Variants in PARS2 observed in about 807,000 individuals in gnomAD.
The protein encoded by PARS2 is probable proline--tRNA ligase, mitochondrial.
A neutral mutation model predicts 27.4 loss-of-function variants in PARS2; 20 were observed. The ratio of observed to expected loss-of-function variants is 0.73; its 90% CI spans 0.51 to 1.06. PARS2 has a LOEUF of 1.06. PARS2 is among the 50% of genes least tolerant of loss of function. The pLI is 0.00. For synonymous variants in PARS2, 240 were observed against 247.1 expected, an observed-to-expected ratio of 0.97 and a Z score of 0.27; for missense variants, 585 against 602.1, an observed-to-expected ratio of 0.97 and a Z score of 0.30.
intron 1 of PARS2, among the ~76,000 whole-genome samples, chr1:54,763,229 C>T (rs992957279): frequency 1.3e-5 from 2 of 152,182 alleles, no homozygotes; most frequent in African/African-American, 4.8e-5. Flanking sequence ...GCACACACCT[C>T]TTTTTAGTAT....
chr1:54,759,024 G>C lies in PARS2; in HGVS notation c.138C>G (p.Phe46Leu). ...GGTCTTCCCGAAGGTTCTGTGGCTG[G>C]AACACACGAGACAGCAGCAGGCGCC... Reference protein sequence around the residue: ...RGRRLLLSRVFQPQNLREDRV... With the variant: ...RGRRLLLSRVLQPQNLREDRV... Residue 46 changes from phenylalanine (F) to leucine (L), a missense_variant, in exon 2 of 2, where the codon TTC (phenylalanine) becomes TTG (leucine). Phe to Leu is a conservative substitution (Grantham distance 22). Transcript: ENST00000371279. 1 of 1,614,170 alleles carries C rather than the reference G, an allele frequency of 6.2e-7. No homozygotes were observed. The highest frequency in any genetic ancestry group is 8.5e-7 in the Non-Finnish European group (1 of 1,180,022).
Position 54,758,349 on chromosome 1 carries a change from G to A in PARS2, c.813C>T (p.Ala271=). The part of the protein sequence containing the change: ...LPVDIGEDRL[A]ICPRCSFSAN... ...CTGAGAAGCTGCAGCGGGGACAGAT[G>A]GCAAGCCGGTCCTCTCCAATATCCA... The change falls in exon 2 of 2, where the codon GCC becomes GCT. Residue 271 remains alanine, a synonymous_variant. Transcript: ENST00000371279. 1 of 1,614,168 alleles carries A rather than the reference G, an allele frequency of 6.2e-7. No homozygotes were observed. The highest frequency in any genetic ancestry group is 2.2e-5 in the East Asian group (1 of 44,874).
chr1:54,758,342 G>A lies in PARS2; in HGVS notation c.820C>T (p.Pro274Ser). ...ATGTTGGCTGAGAAGCTGCAGCGGGGACAGATGGCAAGCCGGTCCTCTCCA... is the reference window on the plus strand; with the variant it reads ...ATGTTGGCTGAGAAGCTGCAGCGGGAACAGATGGCAAGCCGGTCCTCTCCA... ...DIGEDRLAIC[P>S]RCSFSANMET... The change falls in exon 2 of 2, where the codon CCC (proline) becomes TCC (serine). Residue 274 changes from proline to serine, a missense_variant. Pro to Ser is a moderately conservative substitution (Grantham distance 74). Coordinates refer to ENST00000371279, the MANE Select transcript of PARS2 (RefSeq NM_152268.4). The A allele has an allele frequency of 4.3e-6, 7 of 1,614,204 alleles. No individual in the cohort carries two copies. The highest frequency in any genetic ancestry group is 5.9e-6 in the Non-Finnish European group (7 of 1,180,024).
chr1:54,760,384 C>T (rs1470564571), intron 1 of PARS2, among the ~76,000 whole-genome samples: 2 of 152,206 alleles, frequency 1.3e-5, no homozygotes, highest in Admixed American at 6.5e-5. Context: ...ATGTGGGGTT[C>T]GCCTGCTCTG....
At chr1:54,763,581 C>A (rs779747653) in intron 1 of PARS2, among the ~76,000 whole-genome samples, 19 of 152,218 alleles carry the variant, frequency 1.2e-4, no homozygotes, top group Admixed American at 6.5e-4. Flanking sequence ...TTCTCCTCCA[C>A]GTTTAGCATG....
intron 1 of PARS2, among the ~76,000 whole-genome samples, chr1:54,760,818 A>G (rs1040671113): frequency 6.6e-5 from 10 of 150,740 alleles, no homozygotes; most frequent in Non-Finnish European, 1.5e-4. Context: ...TCGCTCTGTC[A>G]CCCAGGCTGG....
chr1:54,760,924 A>G (rs11810860), intron 1 of PARS2, among the ~76,000 whole-genome samples: 64 of 152,112 alleles, frequency 4.2e-4, no homozygotes, highest in African/African-American at 1.3e-3. Context: ...GACTACAGGC[A>G]CCCGCCACCA....
At chr1:54,759,449 C>G (rs1158079381) in intron 1 of PARS2, among the ~76,000 whole-genome samples, 2 of 152,190 alleles carry the variant, frequency 1.3e-5, no homozygotes, top group African/African-American at 4.8e-5. Flanking sequence ...AGTGAGTGCA[C>G]AGGCTCTGGA....
chr1:54,758,760 C>A lies in PARS2; in HGVS notation c.402G>T (p.Trp134Cys), dbSNP rs1438876649. Reference protein sequence around the residue: ...PAELWQATNRWDLMGKELLRL... With the variant: ...PAELWQATNRCDLMGKELLRL... The stretch of plus-strand genomic sequence containing the variant: ...TTAGCAGCTCTTTGCCCATCAAGTC[C>A]CACCGGTTGGTGGCTTGCCAGAGCT... The change falls in exon 2 of 2, where the codon TGG becomes TGT. Residue 134 changes from tryptophan (W) to cysteine (C), a missense_variant. Physicochemically the swap from Trp to Cys is radical, Grantham distance 215. Coordinates refer to ENST00000371279, the MANE Select transcript of PARS2 (RefSeq NM_152268.4). 1 of 1,614,150 alleles carries A rather than the reference C, an allele frequency of 6.2e-7. No individual in the cohort carries two copies. The highest frequency in any genetic ancestry group is 1.1e-5 in the South Asian group (1 of 91,090).
Position 54,758,126 on chromosome 1 carries a change from G to A in PARS2, c.1036C>T (p.Arg346Trp), listed in dbSNP as rs143210581. Reference sequence around the variant, plus strand: ...ACTTCAATGGCAGCAGCCAAGATCCGTGTCACACCCAAGCCATAGCACCCC... The same window carrying A: ...ACTTCAATGGCAGCAGCCAAGATCCATGTCACACCCAAGCCATAGCACCCC... Reference protein sequence around the residue: ...EMGCYGLGVTRILAAAIEVLS... With the variant: ...EMGCYGLGVTWILAAAIEVLS... The change falls in exon 2 of 2, where the codon CGG (arginine) becomes TGG (tryptophan). Residue 346 changes from arginine (R) to tryptophan (W), a missense_variant. Coordinates refer to ENST00000371279, the MANE Select transcript of PARS2 (RefSeq NM_152268.4). 22 of 1,614,064 alleles carry A rather than the reference G, an allele frequency of 1.4e-5. No homozygotes were observed. The highest frequency in any genetic ancestry group is 2.2e-5 in the East Asian group (1 of 44,902).
intron 1 of PARS2, among the ~76,000 whole-genome samples, chr1:54,762,136 GTTTTT>G (rs35646933): frequency 3.1e-5 from 4 of 128,682 alleles, no homozygotes; most frequent in South Asian, 2.5e-4. Flanking sequence ...TGGAGGGCTT[GTTTTT>G]TTTTTTTTTT....
At position 54,757,789 on chromosome 1, in the gene PARS2, G is replaced by GC. The variant is rs1278942213; in HGVS notation, c.1372dup (p.Ala458GlyfsTer59). On this transcript the variant is annotated frameshift_variant, in exon 2 of 2. Coordinates refer to ENST00000371279, the MANE Select transcript of PARS2 (RefSeq NM_152268.4). LOFTEE classifies it high-confidence loss of function. ...CATGACTCCATCTTTGGTGAGGAAG[G>GC]CCACCTCACCAGTGTTCTGACACCA... 6.2e-7 allele frequency: 1 copy of GC among 1,613,850 alleles called. No homozygotes were observed. The highest frequency in any genetic ancestry group is 8.5e-7 in the Non-Finnish European group (1 of 1,179,932).
intron 1 of PARS2, among the ~76,000 whole-genome samples, chr1:54,763,939 G>A (rs1359676047): frequency 6.6e-6 from 1 of 152,220 alleles, no homozygotes; most frequent in Non-Finnish European, 1.5e-5. Context: ...GAAATATAAA[G>A]TCACTTGTGT....
Position 54,758,191 on chromosome 1 carries a change from T to C in PARS2, c.971A>G (p.Gln324Arg). 6.2e-7 allele frequency: 1 copy of C among 1,614,226 alleles called. No individual in the cohort carries two copies. Among genetic ancestry groups the C allele is most frequent in the Non-Finnish European group, 8.5e-7 (1 of 1,180,038 alleles). Residue 324 changes from glutamine to arginine, a missense_variant, in exon 2 of 2, where the codon CAG becomes CGG. Coordinates refer to ENST00000371279, the MANE Select transcript of PARS2 (RefSeq NM_152268.4). ...TGGTTTGCCACAGACATTGGTAAAC[T>C]GGGCATTGAAAATGGATGAGTACTT... ...GTKYSSIFNA[Q>R]FTNVCGKPTL...
In PARS2 at chr1:54,758,720, G is replaced by A. The variant is rs143143865; in HGVS notation, c.442C>T (p.His148Tyr). Residue 148 changes from histidine (H) to tyrosine (Y), a missense_variant, in exon 2 of 2, where the codon CAT becomes TAT. Physicochemically the swap from His to Tyr is moderately conservative, Grantham distance 83. Transcript: ENST00000371279. ...GGTCCTAAGCAGTATTCCTTGCCAT[G>A]CCTGTCTCTAAGTCTTAGCAGCTCT... is the stretch of plus-strand genomic sequence containing the variant. ...GKELLRLRDR[H>Y]GKEYCLGPTH... 2 of 1,614,064 alleles carry A rather than the reference G, an allele frequency of 1.2e-6. No individual in the cohort carries two copies. Among genetic ancestry groups the A allele is most frequent in the African/African-American group, 1.3e-5 (1 of 74,922 alleles).
In PARS2 at chr1:54,758,663, C is replaced by T. The variant is rs368867351; in HGVS notation, c.499G>A (p.Ala167Thr). The T allele has an allele frequency of 1.9e-6, 3 of 1,614,090 alleles. No homozygotes were observed. The highest frequency in any genetic ancestry group is 2.7e-5 in the African/African-American group (2 of 74,930). ...TTGTAGGACAGTTTCTTCTGGGAGG[C>T]AATTAAGGCCGTAATGGCTTCCTCG... ...THEEAITALI[A>T]SQKKLSYKQL... The change falls in exon 2 of 2, where the codon GCC becomes ACC. Residue 167 changes from alanine to threonine, a missense_variant. Ala to Thr is a moderately conservative substitution (Grantham distance 58). Transcript: ENST00000371279.
Position 54,757,511 on chromosome 1 carries a change from A to G in PARS2, c.*223T>C, listed in dbSNP as rs973164214. 12 of 500,584 alleles carry G rather than the reference A, an allele frequency of 2.4e-5. No homozygotes were observed. Among genetic ancestry groups the G allele is most frequent in the African/African-American group, 1.9e-4 (10 of 51,694 alleles). The allele number at this position is 500,584 out of a possible 1,614,324, so 31.0% of individuals were successfully genotyped here. ...CACAATGGAATACAAAAGGAAAGGT[A>G]TATGGCGGCATGGCCAGTCTGGAGA... On this transcript the variant is annotated 3_prime_UTR_variant, in exon 2 of 2. Coordinates refer to ENST00000371279, the MANE Select transcript of PARS2 (RefSeq NM_152268.4).
intron 1 of PARS2, 103 bp from the exon 2 acceptor site, chr1:54,759,293 A>T: frequency 1.1e-5 from 7 of 637,998 alleles, no homozygotes; most frequent in Non-Finnish European, 1.3e-5. Flanking sequence ...GCAGCCACTG[A>T]TTTTGCAGAT....
At chr1:54,762,802 G>A (rs966372907) in intron 1 of PARS2, among the ~76,000 whole-genome samples, 3 of 152,072 alleles carry the variant, frequency 2.0e-5, no homozygotes, top group Admixed American at 1.3e-4. Context: ...GGCCTCATGC[G>A]ATCCACCTGC....
Sources: gnomAD v4.1 joint callset for allele counts (sites outside exome capture counted in the v4.1 genomes callset) on GRCh38, gnomAD v4.1.1 for gene constraint, MANE v1.5 for transcripts, NCBI Gene and HGNC (gene_info 2026-07-23, HGNC 2026-07-21) for gene names.